Variants in RPGRIP1L observed in about 807,000 individuals in gnomAD.
The protein encoded by RPGRIP1L is protein fantom.
In RPGRIP1L, 131 loss-of-function variants were observed where a neutral mutation model predicts 160.4. The observed-to-expected ratio is 0.82, with a 90% CI of 0.71 to 0.94. The LOEUF is 0.94. Among genes scored for constraint, RPGRIP1L ranks in the 40% least tolerant of loss-of-function variants. RPGRIP1L has a pLI of 0.00. For synonymous variants in RPGRIP1L, 510 were observed against 515.8 expected (o/e 0.99, Z 0.15); for missense variants, 1,522 against 1,535.8 (o/e 0.99, Z 0.15).
At chr16:53,687,829 A>T (rs1189790796) in intron 5 of RPGRIP1L, 34 bp downstream of exon 5, 1 of 1,309,308 alleles carries the variant, frequency 7.6e-7, no homozygotes, top group Non-Finnish European at 1.1e-6. Context: ...TCAATAACCA[A>T]AGTTCTCAAA....
chr16:53,665,792 C>T (rs1968198247), intron 9 of RPGRIP1L, among the ~76,000 whole-genome samples: 2 of 152,124 alleles, frequency 1.3e-5, no homozygotes, highest in Admixed American at 6.6e-5. Flanking sequence ...TTCGTTTATG[C>T]CAGTGGTTCC....
intron 22 of RPGRIP1L, 53 bp downstream of exon 22, chr16:53,636,386 A>G: frequency 1.6e-6 from 2 of 1,221,260 alleles, no homozygotes; most frequent in East Asian, 2.3e-5. Context: ...ATGTACTGTG[A>G]ATGAAAGGCA....
intron 4 of RPGRIP1L, among the ~76,000 whole-genome samples, chr16:53,691,512 T>G (rs1970380613): frequency 1.3e-5 from 2 of 152,200 alleles, no homozygotes; most frequent in Non-Finnish European, 2.9e-5. Flanking sequence ...ATCCTTTTAC[T>G]TTACATGTAA....
rs576206096 is a variant in RPGRIP1L, at chr16:53,669,571, G to A, written c.1103+1939C>T. 2.2e-4 allele frequency among the ~76,000 whole-genome samples: 34 copies of A among 151,890 alleles called. No homozygotes were observed. The South Asian group carries it at 6.0e-3, about 27-fold the overall frequency. On this transcript the variant is annotated intron_variant, in intron 9 of 26. Coordinates refer to ENST00000647211, the MANE Select transcript of RPGRIP1L (RefSeq NM_015272.5). ...AAAAACATGACTTTCTCAAAATTTCGTTTATACATTATTCCCAGGTAAGTT... is the reference window on the plus strand; with the variant it reads ...AAAAACATGACTTTCTCAAAATTTCATTTATACATTATTCCCAGGTAAGTT...
intron 22 of RPGRIP1L, among the ~76,000 whole-genome samples, chr16:53,631,753 T>C (rs1342047716): frequency 1.3e-5 from 2 of 152,248 alleles, no homozygotes; most frequent in African/African-American, 4.8e-5. Context: ...TTAATTATCA[T>C]GCCTAGAAGC....
At chr16:53,625,099 G>C (rs925614439) in intron 22 of RPGRIP1L, among the ~76,000 whole-genome samples, 6 of 152,152 alleles carry the variant, frequency 3.9e-5, no homozygotes, top group Admixed American at 1.3e-4. Context: ...GCAGTGGCGT[G>C]ATCTTGGCTC....
chr16:53,658,833 T>A lies in RPGRIP1L; in HGVS notation c.1289A>T (p.Gln430Leu), dbSNP rs770032567. The change falls in exon 11 of 27, where the codon CAG becomes CTG. Residue 430 changes from glutamine (Q) to leucine (L), a missense_variant. Physicochemically the swap from Gln to Leu is moderately radical, Grantham distance 113. Transcript: ENST00000647211. ...AAGTTGTTGCTTTTGTTCCAGATAC[T>A]GTAACTGTAGTTCTCTATTCTCTTG... is the stretch of plus-strand genomic sequence containing the variant. ...LVQENRELQL[Q>L]YLEQKQQLDE... 1.2e-5 allele frequency: 20 copies of A among 1,608,922 alleles called. No individual in the cohort carries two copies. Among genetic ancestry groups the A allele is most frequent in the Non-Finnish European group, 1.6e-5 (19 of 1,176,796 alleles).
chr16:53,637,295 T>C (rs1459389385), intron 21 of RPGRIP1L, among the ~76,000 whole-genome samples: 9 of 152,180 alleles, frequency 5.9e-5, no homozygotes, highest in African/African-American at 1.7e-4. Flanking sequence ...CCCATTCCTA[T>C]TCTTACAGAT....
At position 53,697,362 on chromosome 16, in the gene RPGRIP1L, G is replaced by A. The variant is rs112863798; in HGVS notation, c.86-1067C>T. Among the ~76,000 whole-genome samples, 29 of 135,372 alleles carry A rather than the reference G, an allele frequency of 2.1e-4. 2 individuals carry two copies. The highest frequency in any genetic ancestry group is 5.9e-4 in the Admixed American group (8 of 13,668). The allele number at this position is 135,372 out of a possible 152,430, so 88.8% of individuals were successfully genotyped here. A position where few individuals can be genotyped will look rare whatever the true frequency, so the allele number is the denominator to read the frequency against. ...CTCCCCACGGTCTCCCTCTCCCCAC[G>A]GTCTCCCTCTCCCTCTCCCTCTCTT... On this transcript the variant is annotated intron_variant, in intron 2 of 26. Transcript: ENST00000647211.
Position 53,653,915 on chromosome 16 carries a change from T to C in RPGRIP1L, c.1700-928A>G, listed in dbSNP as rs148701309. 5.8e-3 allele frequency among the ~76,000 whole-genome samples: 880 copies of C among 152,312 alleles called. 12 individuals carry two copies. The highest frequency in any genetic ancestry group is 0.019 in the African/African-American group (804 of 41,558). ...AAAGTTTTGTTTAACCCTCTATGTA[T>C]CTAGATATCCCACACAACATATTCA... On this transcript the variant is annotated intron_variant, in intron 14 of 26. Transcript: ENST00000647211.
chr16:53,649,828 C>T (rs1406645492), intron 15 of RPGRIP1L, among the ~76,000 whole-genome samples: 1 of 152,288 alleles, frequency 6.6e-6, no homozygotes, highest in African/African-American at 2.4e-5. Context: ...TGTTTACCAG[C>T]CTATTTCTCT....
At chr16:53,611,965 T>A (rs1964076011) in intron 24 of RPGRIP1L, among the ~76,000 whole-genome samples, 1 of 152,236 alleles carries the variant, frequency 6.6e-6, no homozygotes, top group African/African-American at 2.4e-5. Context: ...ACGATAGTTC[T>A]AAAGCCAGTT....
chr16:53,688,209 C>G (rs1051751469), intron 4 of RPGRIP1L, among the ~76,000 whole-genome samples: 2 of 151,914 alleles, frequency 1.3e-5, no homozygotes, highest in Admixed American at 1.3e-4. Flanking sequence ...AATCAAATTA[C>G]CTAGAAATAA....
chr16:53,646,979 T>A (rs913992283), intron 16 of RPGRIP1L, among the ~76,000 whole-genome samples: 3 of 152,106 alleles, frequency 2.0e-5, no homozygotes, highest in Non-Finnish European at 4.4e-5. Context: ...GAGGAATGAC[T>A]GAAAAAGTAC....
At chr16:53,637,637 A>G in intron 21 of RPGRIP1L, 58 bp downstream of exon 21, 1 of 1,490,566 alleles carries the variant, frequency 6.7e-7, no homozygotes, top group Non-Finnish European at 9.3e-7. Flanking sequence ...GCATACTCTA[A>G]CAGATAAAAC....
chr16:53,645,055 G>T (rs968994558), intron 17 of RPGRIP1L, among the ~76,000 whole-genome samples: 2 of 152,156 alleles, frequency 1.3e-5, no homozygotes, highest in Non-Finnish European at 2.9e-5. Context: ...CAGCACAAAG[G>T]AGGGGAAGGA....
chr16:53,618,866 T>C (rs1002441693), intron 24 of RPGRIP1L, among the ~76,000 whole-genome samples, 159 bp downstream of exon 24: 1 of 152,190 alleles, frequency 6.6e-6, no homozygotes, highest in African/African-American at 2.4e-5. Context: ...TTTCTTAATC[T>C]TTATGCTACT....
intron 24 of RPGRIP1L, among the ~76,000 whole-genome samples, chr16:53,612,906 C>T (rs980056457): frequency 6.6e-6 from 1 of 152,178 alleles, no homozygotes; most frequent in African/African-American, 2.4e-5. Flanking sequence ...CAATAACTTT[C>T]CATTCTTCCC....
intron 22 of RPGRIP1L, among the ~76,000 whole-genome samples, chr16:53,629,279 A>T (rs985523121): frequency 6.6e-6 from 1 of 152,180 alleles, no homozygotes; most frequent in Non-Finnish European, 1.5e-5. Context: ...ATGTGCAGCC[A>T]AGGGTGAAAA....
Sources: allele counts gnomAD v4.1 joint callset (sites outside exome capture counted in the v4.1 genomes callset), GRCh38; gene constraint gnomAD v4.1.1; transcripts MANE v1.5; gene names NCBI Gene and HGNC (gene_info 2026-07-23, HGNC 2026-07-21).